TTC6: variants seen among roughly 807,000 people sequenced by gnomAD.
The protein encoded by TTC6 is tetratricopeptide repeat domain 6.
TTC6 carries 172 observed loss-of-function variants against 210.4 expected under a neutral mutation model. That is an observed-to-expected ratio of 0.82 (90% CI 0.72 to 0.93). TTC6 has a LOEUF of 0.93. Ranked by LOEUF, TTC6 falls within the 40% of genes least tolerant of loss-of-function variation. The pLI, the probability that TTC6 is intolerant of heterozygous loss-of-function variation, is 0.00. For missense variants in TTC6, 2,414 were observed against 2,318.1 expected (o/e 1.04, Z -0.85); for synonymous variants, 804 against 819.6 (o/e 0.98, Z 0.32).
At chr14:37,611,978 A>G (rs1453596921) in intron 2 of TTC6, among the ~76,000 whole-genome samples, 1 of 145,594 alleles carries the variant, frequency 6.9e-6, no homozygotes, top group African/African-American at 2.6e-5. Flanking sequence ...CAGAAATTTA[A>G]AGGAGATCAA....
chr14:37,683,001 A>G, intron 3 of TTC6, 37 bp downstream of exon 5: 1 of 1,519,522 alleles, frequency 6.6e-7, no homozygotes, highest in Non-Finnish European at 8.8e-7. Flanking sequence ...CCTAAGAGTT[A>G]TGAGAATTGA....
intron 1 of TTC6, among the ~76,000 whole-genome samples, chr14:37,674,506 A>G (rs1253050126): frequency 6.6e-6 from 1 of 152,118 alleles, no homozygotes. Flanking sequence ...TTTAATCCTC[A>G]TAATAAGCAT....
At chr14:37,756,600 A>C (rs1320097041) in intron 14 of TTC6, among the ~76,000 whole-genome samples, 1 of 152,308 alleles carries the variant, frequency 6.6e-6, no homozygotes, top group East Asian at 1.9e-4. Context: ...ATCTATTGAG[A>C]TAATCATGTG....
intron 14 of TTC6, among the ~76,000 whole-genome samples, chr14:37,768,430 T>C (rs1256891734): frequency 1.3e-5 from 2 of 152,086 alleles, no homozygotes; most frequent in Admixed American, 6.5e-5. Context: ...TTCCTACCCA[T>C]GAGCATGGAA....
At chr14:37,753,897 T>C (rs1343316848) in intron 14 of TTC6, among the ~76,000 whole-genome samples, 1 of 152,102 alleles carries the variant, frequency 6.6e-6, no homozygotes, top group Non-Finnish European at 1.5e-5. Flanking sequence ...GTTTTCATTA[T>C]CCTATTGTAT....
chr14:37,622,946 G>A (rs1177057189), exon 1 of TTC6: 2 of 1,528,896 alleles, frequency 1.3e-6, no homozygotes, highest in Non-Finnish European at 1.7e-6. Flanking sequence ...CCTCCGACCA[G>A]ACCATCAAAG....
chr14:37,779,568 C>A (rs1295958360), intron 14 of TTC6, among the ~76,000 whole-genome samples: 2 of 152,132 alleles, frequency 1.3e-5, no homozygotes, highest in Non-Finnish European at 2.9e-5. Context: ...AGTGTTCCAT[C>A]TTTTCTTAGA....
intron 30 of TTC6, 57 bp downstream of exon 32, chr14:37,841,727 G>C (rs975697199): frequency 2.9e-5 from 39 of 1,348,438 alleles, no homozygotes; most frequent in Non-Finnish European, 3.7e-5. Flanking sequence ...ATTATTTTTA[G>C]GCTACAAAAG....
chr14:37,723,101 A>G (rs1175203099), intron 6 of TTC6, among the ~76,000 whole-genome samples: 1 of 152,158 alleles, frequency 6.6e-6, no homozygotes, highest in African/African-American at 2.4e-5. Flanking sequence ...GGCCATTGGG[A>G]ACTCCTTCAG....
chr14:37,794,975 A>C (rs1213876739), intron 17 of TTC6, among the ~76,000 whole-genome samples: 1 of 152,176 alleles, frequency 6.6e-6, no homozygotes, highest in Non-Finnish European at 1.5e-5. Context: ...AGAGAACACA[A>C]ACACGTACAC....
chr14:37,714,702 A>G lies in TTC6; in HGVS notation c.1619A>G (p.His540Arg), dbSNP rs1034519976. 6.5e-6 allele frequency: 10 copies of G among 1,535,586 alleles called. No homozygotes were observed. In the Admixed American group the frequency reaches 9.8e-5, roughly 15 times the overall value. The change falls in exon 6 of 31, where the codon CAT becomes CGT. Residue 540 changes from histidine to arginine, a missense_variant. Coordinates refer to ENST00000553443, the Ensembl canonical transcript of TTC6. Reference sequence around the variant, plus strand: ...ATGGATGACAACCAAGAATATGTCCATATTCCTCCGACACCGCAAGGGATA... The same window carrying G: ...ATGGATGACAACCAAGAATATGTCCGTATTCCTCCGACACCGCAAGGGATA...
At chr14:37,792,538 A>G (rs2096082398) in intron 17 of TTC6, 124 bp downstream of exon 19, 1 of 741,956 alleles carries the variant, frequency 1.3e-6, no homozygotes, top group African/African-American at 1.8e-5. Context: ...ATTTATAAAC[A>G]ATGTGTTAAG....
intron 25 of TTC6, 145 bp downstream of exon 27, chr14:37,812,578 C>A: frequency 1.4e-6 from 1 of 733,068 alleles, no homozygotes; most frequent in Non-Finnish European, 2.1e-6. Flanking sequence ...CTTGAAATGA[C>A]TAATAGGCTC....
intron 25 of TTC6, among the ~76,000 whole-genome samples, chr14:37,813,218 C>T (rs2096133693): frequency 6.6e-6 from 1 of 151,926 alleles, no homozygotes; most frequent in Admixed American, 6.6e-5. Context: ...AGATTCTGTC[C>T]AAATAATCAT....
intron 29 of TTC6, among the ~76,000 whole-genome samples, chr14:37,839,860 G>A (rs1232441327): frequency 1.3e-5 from 2 of 152,094 alleles, no homozygotes; most frequent in Non-Finnish European, 2.9e-5. Flanking sequence ...TCAGCTTTCT[G>A]CATATGGCTA....
chr14:37,656,514 C>T (rs79636508), intron 1 of TTC6, among the ~76,000 whole-genome samples: 5 of 147,916 alleles, frequency 3.4e-5, no homozygotes, highest in East Asian at 2.0e-4. Context: ...TGTGTGTGTG[C>T]GTGTGTGTGT....
intron 15 of TTC6, among the ~76,000 whole-genome samples, chr14:37,789,977 T>C (rs541712336): frequency 6.6e-6 from 1 of 152,234 alleles, no homozygotes; most frequent in East Asian, 1.9e-4. Flanking sequence ...CCCCATCTAA[T>C]TCACTAACAT....
chr14:37,615,400 CT>C (rs1162157584), intron 2 of TTC6, among the ~76,000 whole-genome samples: 2 of 152,044 alleles, frequency 1.3e-5, no homozygotes, highest in African/African-American at 4.8e-5. Context: ...AATCATTCTC[CT>C]TTTTCCTTGG....
chr14:37,825,945 A>G (rs2096170172), intron 27 of TTC6, among the ~76,000 whole-genome samples: 1 of 152,068 alleles, frequency 6.6e-6, no homozygotes, highest in Non-Finnish European at 1.5e-5. Context: ...GGATTGGTAC[A>G]GGAGATGACT....
Sources: allele counts gnomAD v4.1 joint callset (sites outside exome capture counted in the v4.1 genomes callset), GRCh38; gene constraint gnomAD v4.1.1; transcripts MANE v1.5; gene names NCBI Gene and HGNC (gene_info 2026-07-23, HGNC 2026-07-21).